The following CADPS2 variants were observed in gnomAD, a reference collection of about 807,000 sequenced individuals.
CADPS2 encodes the protein calcium dependent secretion activator 2.
CADPS2 carries 93 observed loss-of-function variants against 172.5 expected under a neutral mutation model. That is an observed-to-expected ratio of 0.54 (90% CI 0.46 to 0.64). CADPS2 has a LOEUF of 0.64. Among genes scored for constraint, CADPS2 ranks in the 30% least tolerant of loss-of-function variants. The pLI is 0.00. For synonymous variants in CADPS2, 546 were observed against 555.2 expected, an observed-to-expected ratio of 0.98 and a Z score of 0.23; for missense variants, 1,420 against 1,565.9, an observed-to-expected ratio of 0.91 and a Z score of 1.57.
chr7:122,464,649 C>T (rs2054900293), intron 14 of CADPS2, among the ~76,000 whole-genome samples: 1 of 152,132 alleles, frequency 6.6e-6, no homozygotes, highest in South Asian at 2.1e-4. Flanking sequence ...TTTACAAAAA[C>T]TCATAATCTC....
At chr7:122,532,046 A>AAAAC (rs755860927) in intron 8 of CADPS2, among the ~76,000 whole-genome samples, 2 of 148,966 alleles carry the variant, frequency 1.3e-5, no homozygotes, top group African/African-American at 5.1e-5. Context: ...AAAAAAAAAC[A>AAAAC]AAACAAACAA....
chr7:122,321,487 CT>C (rs928632807), intron 29 of CADPS2, among the ~76,000 whole-genome samples: 242 of 151,656 alleles, frequency 1.6e-3, no homozygotes, highest in African/African-American at 4.6e-3. Flanking sequence ...TTTTTCTTTT[CT>C]TTTTTTTGTT....
chr7:122,658,814 C>T (rs1050691690), intron 3 of CADPS2, among the ~76,000 whole-genome samples: 1 of 152,028 alleles, frequency 6.6e-6, no homozygotes, highest in African/African-American at 2.4e-5. Context: ...AGCACACCAA[C>T]ATGGCACATG....
chr7:122,402,248 A>T (rs1233209736), intron 20 of CADPS2, among the ~76,000 whole-genome samples: 1 of 152,168 alleles, frequency 6.6e-6, no homozygotes, highest in Non-Finnish European at 1.5e-5. Context: ...TCATTAAAAA[A>T]TAAAAGTTCA....
chr7:122,495,698 A>C (rs2058680342), intron 9 of CADPS2, among the ~76,000 whole-genome samples: 1 of 152,154 alleles, frequency 6.6e-6, no homozygotes, highest in Non-Finnish European at 1.5e-5. Flanking sequence ...TGTTGGGTGC[A>C]CAGATCTTCA....
At chr7:122,856,101 G>A (rs1001183889) in intron 1 of CADPS2, among the ~76,000 whole-genome samples, 1 of 152,162 alleles carries the variant, frequency 6.6e-6, no homozygotes, top group African/African-American at 2.4e-5. Flanking sequence ...GGAAGCAAAA[G>A]CCTCATGCTA....
At chr7:122,698,761 A>C in intron 2 of CADPS2, 1 of 1,613,976 alleles carries the variant, frequency 6.2e-7, no homozygotes, top group South Asian at 1.1e-5. Flanking sequence ...CAACTCTGAC[A>C]ACACATGATT....
chr7:122,848,995 A>C (rs1397712130), intron 1 of CADPS2, among the ~76,000 whole-genome samples: 1 of 152,212 alleles, frequency 6.6e-6, no homozygotes, highest in African/African-American at 2.4e-5. Context: ...CAGCTTTCCA[A>C]AGTCCCAGGC....
rs1013343431 is a variant in CADPS2, at chr7:122,831,263, C to T, written c.339+54736G>A. On this transcript the variant is annotated intron_variant, in intron 1 of 29. Transcript: ENST00000449022. ...ATCAAGAAAGGTGTAAGCAACTAGT[C>T]CTATAATACACCACTATCTCAAGCA... is the stretch of plus-strand genomic sequence containing the variant. 5.3e-5 allele frequency among the ~76,000 whole-genome samples: 8 copies of T among 152,114 alleles called. No individual in the cohort carries two copies. In the East Asian group the frequency reaches 1.5e-3, roughly 29 times the overall value.
intron 6 of CADPS2, among the ~76,000 whole-genome samples, chr7:122,598,594 T>C (rs2072262041): frequency 6.6e-6 from 1 of 152,202 alleles, no homozygotes; most frequent in Admixed American, 6.5e-5. Context: ...CCAGATGCTA[T>C]TAAGTCCATT....
At chr7:122,434,160 G>A (rs76021581) in intron 17 of CADPS2, among the ~76,000 whole-genome samples, 402 of 152,242 alleles carry the variant, frequency 2.6e-3, no homozygotes, top group Non-Finnish European at 4.7e-3. Context: ...AAAGAGCATC[G>A]GATTGTTGCT....
chr7:122,745,425 C>G (rs2092680886), intron 1 of CADPS2, among the ~76,000 whole-genome samples: 1 of 151,816 alleles, frequency 6.6e-6, no homozygotes, highest in African/African-American at 2.4e-5. Flanking sequence ...GATCCCAAAG[C>G]CTATATTCTT....
chr7:122,737,606 G>T (rs1056417914), intron 1 of CADPS2, among the ~76,000 whole-genome samples: 10 of 152,122 alleles, frequency 6.6e-5, no homozygotes, highest in African/African-American at 2.4e-4. Flanking sequence ...CAAATTTCCA[G>T]AATCCTGATA....
At chr7:122,409,563 T>G in intron 19 of CADPS2, 1 of 441,592 alleles carries the variant, frequency 2.3e-6, no homozygotes. Context: ...TATCTCAAGT[T>G]GTACTCCTGA....
At chr7:122,705,577 T>C (rs1564120695) in intron 2 of CADPS2, among the ~76,000 whole-genome samples, 1 of 115,974 alleles carries the variant, frequency 8.6e-6, no homozygotes, top group Non-Finnish European at 1.6e-5. Flanking sequence ...TTATCTATAT[T>C]ATATATTATA....
At chr7:122,706,815 T>C (rs922553885) in intron 2 of CADPS2, among the ~76,000 whole-genome samples, 93 of 150,104 alleles carry the variant, frequency 6.2e-4, no homozygotes, top group African/African-American at 2.2e-3. Flanking sequence ...CACACACATA[T>C]ATATATATGT....
intron 2 of CADPS2, among the ~76,000 whole-genome samples, chr7:122,735,493 G>A (rs572099395): frequency 1.3e-5 from 2 of 152,230 alleles, no homozygotes; most frequent in Admixed American, 6.5e-5. Context: ...AGCACAGCTT[G>A]TGTGCCTTTT....
In CADPS2 at chr7:122,886,059, C is replaced by A. The variant is rs1370804758; in HGVS notation, c.279G>T (p.Arg93Ser). The A allele has an allele frequency of 3.1e-6, 5 of 1,606,066 alleles. No individual in the cohort carries two copies. Among genetic ancestry groups the A allele is most frequent in the Non-Finnish European group, 4.2e-6 (5 of 1,176,746 alleles). Residue 93 changes from arginine to serine, a missense_variant, in exon 1 of 30, where the codon AGG becomes AGT. Coordinates refer to ENST00000449022, the MANE Select transcript of CADPS2 (RefSeq NM_017954.11). ...IRLQLYVFVV[R>S]CIAYPFNAKQ... ...TGGCGTTGAAGGGGTACGCGATGCA[C>A]CTCACGACGAAGACGTAGAGCTGCA...
At chr7:122,807,088 G>C (rs952510369) in intron 1 of CADPS2, among the ~76,000 whole-genome samples, 4 of 152,232 alleles carry the variant, frequency 2.6e-5, no homozygotes, top group Non-Finnish European at 5.9e-5. Context: ...CAGCACATTT[G>C]TATTTGCTTC....
Sources: gnomAD v4.1 joint callset for allele counts (sites outside exome capture counted in the v4.1 genomes callset) on GRCh38, gnomAD v4.1.1 for gene constraint, MANE v1.5 for transcripts, NCBI Gene and HGNC (gene_info 2026-07-23, HGNC 2026-07-21) for gene names.